GRID2: variants seen among roughly 807,000 people sequenced by gnomAD.
The protein encoded by GRID2 is glutamate receptor ionotropic, delta-2.
Under a neutral mutation model 114.8 loss-of-function variants are expected in GRID2, and 33 were observed. The observed-to-expected ratio is 0.29, with a 90% CI of 0.22 to 0.38. The LOEUF (loss-of-function observed/expected upper bound fraction) is 0.38. Ranked by LOEUF, GRID2 falls within the 10% of genes least tolerant of loss-of-function variation. The pLI is 1.00. For synonymous variants in GRID2, 505 were observed against 449.9 expected (o/e 1.12, Z -1.55); for missense variants, 1,184 against 1,257.7 (o/e 0.94, Z 0.89).
rs574158062 is a variant in GRID2 at position 92,349,336 on chromosome 4, T to G, written c.88+44592T>G. Among the ~76,000 whole-genome samples the G allele has an allele frequency of 3.3e-3, 505 of 152,062 alleles. 3 individuals are homozygous for G. The highest frequency in any genetic ancestry group is 4.7e-3 in the Non-Finnish European group (320 of 67,872). ...CACAAAATAATTGACTTGTCCGTTTTTAATGAGTATGCACGTGATCAATTG... is the reference window on the plus strand; with the variant it reads ...CACAAAATAATTGACTTGTCCGTTTGTAATGAGTATGCACGTGATCAATTG... On this transcript the variant is annotated intron_variant, in intron 1 of 15. Transcript: ENST00000282020.
intron 2 of GRID2, among the ~76,000 whole-genome samples, chr4:93,035,105 CTTT>C (rs1409804820): frequency 1.5e-5 from 2 of 136,274 alleles, no homozygotes; most frequent in Admixed American, 7.5e-5. Context: ...TCACTGTCTG[CTTT>C]TTTTTTTTTT....
At chr4:93,130,512 T>C (rs781543792) in intron 4 of GRID2, among the ~76,000 whole-genome samples, 2 of 151,982 alleles carry the variant, frequency 1.3e-5, no homozygotes, top group African/African-American at 4.8e-5. Flanking sequence ...AAAGAGAAAA[T>C]TTCAGATAAT....
intron 13 of GRID2, among the ~76,000 whole-genome samples, chr4:93,526,751 G>T (rs748744415): frequency 6.4e-4 from 97 of 152,222 alleles, no homozygotes; most frequent in Non-Finnish European, 1.0e-3. Context: ...GGAGGTTGCA[G>T]TGAGCTGAGA....
chr4:93,253,609 T>C (rs955511858), intron 8 of GRID2, among the ~76,000 whole-genome samples: 8 of 152,046 alleles, frequency 5.3e-5, no homozygotes, highest in African/African-American at 1.7e-4. Flanking sequence ...ATTAAATAAG[T>C]ATATAAATAA....
intron 2 of GRID2, among the ~76,000 whole-genome samples, chr4:93,026,269 A>G (rs1169748668): frequency 6.6e-6 from 1 of 151,750 alleles, no homozygotes; most frequent in African/African-American, 2.4e-5. Context: ...TTTGTAGCTT[A>G]ATTTTTTATA....
intron 8 of GRID2, among the ~76,000 whole-genome samples, chr4:93,304,515 T>C (rs1755213301): frequency 1.3e-5 from 2 of 151,914 alleles, no homozygotes; most frequent in African/African-American, 4.8e-5. Flanking sequence ...TACTTTGATG[T>C]TCAATAAGAA....
At chr4:93,564,306 T>C (rs916095409) in intron 13 of GRID2, among the ~76,000 whole-genome samples, 2 of 151,990 alleles carry the variant, frequency 1.3e-5, no homozygotes, top group East Asian at 1.9e-4. Context: ...CTTTTATTTA[T>C]TTATTTATTT....
At chr4:93,332,464 A>T (rs923061954) in intron 8 of GRID2, among the ~76,000 whole-genome samples, 1 of 133,604 alleles carries the variant, frequency 7.5e-6, no homozygotes, top group Admixed American at 6.9e-5. Context: ...AAAGAATTTT[A>T]AGTTGTTTCT....
At chr4:93,429,154 C>T (rs1340916691) in intron 10 of GRID2, among the ~76,000 whole-genome samples, 1 of 152,184 alleles carries the variant, frequency 6.6e-6, no homozygotes, top group Admixed American at 6.5e-5. Flanking sequence ...CGGCTCTTCT[C>T]TTTCTTTTTC....
intron 13 of GRID2, among the ~76,000 whole-genome samples, chr4:93,541,206 C>T (rs1184435566): frequency 2.0e-5 from 3 of 152,106 alleles, no homozygotes; most frequent in Non-Finnish European, 4.4e-5. Context: ...TCCCAAAAGG[C>T]ACTTAGTACA....
At chr4:93,185,821 T>G (rs1269440922) in intron 4 of GRID2, among the ~76,000 whole-genome samples, 1 of 152,200 alleles carries the variant, frequency 6.6e-6, no homozygotes, top group Non-Finnish European at 1.5e-5. Context: ...TATGTATACA[T>G]GTGCCGTGTT....
chr4:92,808,378 A>G (rs1201251758), intron 2 of GRID2, among the ~76,000 whole-genome samples: 2 of 152,060 alleles, frequency 1.3e-5, no homozygotes, highest in Non-Finnish European at 2.9e-5. Context: ...TATGGTACCA[A>G]TAAGGTGTAA....
intron 8 of GRID2, among the ~76,000 whole-genome samples, chr4:93,336,151 G>A (rs10000895): frequency 0.25 from 38,398 of 152,026 alleles, 8,148 homozygotes; most frequent in African/African-American, 0.58. Context: ...ACATAAAAGC[G>A]TATATCTGTC....
At chr4:93,776,739 A>G (rs1734377387), downstream of GRID2, among the ~76,000 whole-genome samples, 1 of 152,188 alleles carries the variant, frequency 6.6e-6, no homozygotes, top group African/African-American at 2.4e-5. Context: ...ATTTACCAAC[A>G]TGCCAGATCC....
chr4:93,071,903 C>T (rs1336540642), intron 2 of GRID2, among the ~76,000 whole-genome samples: 2 of 152,042 alleles, frequency 1.3e-5, no homozygotes, highest in Non-Finnish European at 2.9e-5. Flanking sequence ...AGAAGCAGTG[C>T]ACTCTTTCTA....
intron 1 of GRID2, among the ~76,000 whole-genome samples, chr4:92,441,917 TTTAG>T (rs1716987421): frequency 6.6e-6 from 1 of 151,904 alleles, no homozygotes. Flanking sequence ...AAGCAGATAA[TTTAG>T]TTAAAGTGTC....
At chr4:93,255,495 C>T (rs1373298476) in intron 8 of GRID2, among the ~76,000 whole-genome samples, 1 of 152,014 alleles carries the variant, frequency 6.6e-6, no homozygotes, top group Non-Finnish European at 1.5e-5. Context: ...CCCACAAAAA[C>T]TCATGTTTAA....
chr4:92,460,006 G>A (rs1490727599), intron 1 of GRID2, among the ~76,000 whole-genome samples: 2 of 76,052 alleles, frequency 2.6e-5, no homozygotes, highest in Admixed American at 1.8e-4. Flanking sequence ...GCAACTGCAT[G>A]AGCCCATTCC....
Position 92,946,059 on chromosome 4 carries a change from A to T in GRID2, c.245-138936A>T, listed in dbSNP as rs188873469. 1.6e-4 allele frequency among the ~76,000 whole-genome samples: 25 copies of T among 152,166 alleles called. No homozygotes were observed. In the East Asian group the frequency reaches 4.6e-3, roughly 28 times the overall value. ...CTTATAGCTCTTAAAACTGCCTTTA[A>T]TCTCACCGTTTAGGTCTCATATGAG... On this transcript the variant is annotated intron_variant, in intron 2 of 15. Transcript: ENST00000282020.
Sources: allele counts gnomAD v4.1 joint callset (sites outside exome capture counted in the v4.1 genomes callset), GRCh38; gene constraint gnomAD v4.1.1; transcripts MANE v1.5; gene names NCBI Gene and HGNC (gene_info 2026-07-23, HGNC 2026-07-21).